Variants in MMP11 observed in about 807,000 individuals in gnomAD.
The protein encoded by MMP11 is stromelysin-3.
Under a neutral mutation model 49.5 loss-of-function variants are expected in MMP11, and 26 were observed. That is an observed-to-expected ratio of 0.52 (90% CI 0.38 to 0.73). MMP11 has a LOEUF of 0.73. MMP11 is among the 30% of genes least tolerant of loss of function. The pLI is 0.00. For missense variants in MMP11, 624 were observed against 671.2 expected (o/e 0.93, Z 0.78); for synonymous variants, 265 against 282.3 (o/e 0.94, Z 0.62).
rs763402119 is a variant in MMP11, at chr22:23,781,065, G to C, written c.823G>C (p.Ala275Pro). The change falls in exon 5 of 8, where the codon GCT (alanine) becomes CCT (proline). Residue 275 changes from alanine to proline, a missense_variant. Physicochemically the swap from Ala to Pro is conservative, Grantham distance 27. Transcript: ENST00000215743. ...CAGGACCCCAGCCCTGGGCCCCCAGGCTGGGATAGACACCAATGAGATTGC... is the reference window on the plus strand; with the variant it reads ...CAGGACCCCAGCCCTGGGCCCCCAGCCTGGGATAGACACCAATGAGATTGC... The part of the protein sequence containing the change: ...TSRTPALGPQ[A>P]GIDTNEIAPL... The C allele has an allele frequency of 3.1e-6, 5 of 1,609,798 alleles. No homozygotes were observed. Among genetic ancestry groups the C allele is most frequent in the Non-Finnish European group, 4.2e-6 (5 of 1,179,948 alleles).
Position 23,781,221 on chromosome 22 carries a change from C to G in MMP11, c.887C>G (p.Ala296Gly). The stretch of plus-strand genomic sequence containing the variant: ...GACGCCCCGCCAGATGCCTGTGAGG[C>G]CTCCTTTGACGCGGTCTCCACCATC... ...EPDAPPDACE[A>G]SFDAVSTIRG... The change falls in exon 6 of 8, where the codon GCC (alanine) becomes GGC (glycine). Residue 296 changes from alanine to glycine, a missense_variant. Physicochemically the swap from Ala to Gly is moderately conservative, Grantham distance 60. Coordinates refer to ENST00000215743, the MANE Select transcript of MMP11 (RefSeq NM_005940.5). 1 of 1,611,666 alleles carries G rather than the reference C, an allele frequency of 6.2e-7. No homozygotes were observed. The highest frequency in any genetic ancestry group is 1.3e-5 in the African/African-American group (1 of 75,068).
Position 23,781,365 on chromosome 22 carries a change from A to T in MMP11, c.1031A>T (p.Asp344Val), listed in dbSNP as rs1283564495. Residue 344 changes from aspartate (D) to valine (V), a missense_variant, in exon 6 of 8, where the codon GAC (aspartate) becomes GTC (valine). Asp to Val is a radical substitution (Grantham distance 152). Transcript: ENST00000215743. ...TGGCAGGGACTGCCCAGCCCTGTGG[A>T]CGCTGCCTTCGAGGATGCCCAGGGC... The part of the protein sequence containing the change: ...RHWQGLPSPV[D>V]AAFEDAQGHI... 6.2e-7 allele frequency: 1 copy of T among 1,613,048 alleles called. No individual in the cohort carries two copies. The highest frequency in any genetic ancestry group is 8.5e-7 in the Non-Finnish European group (1 of 1,179,642).
In MMP11 at chr22:23,780,809, A is replaced by G; in HGVS notation, c.617-50A>G. 6.3e-7 allele frequency: 1 copy of G among 1,584,330 alleles called. No individual in the cohort carries two copies. The highest frequency in any genetic ancestry group is 8.6e-7 in the Non-Finnish European group (1 of 1,164,718). ...TCACTGAGCTGGGGTCTGGAGCTGG[A>G]TGTCCTGGGCAGGAGGTTCGGGGGT... is the stretch of plus-strand genomic sequence containing the variant. On this transcript the variant is annotated intron_variant, in intron 4 of 7. Coordinates refer to ENST00000215743, the MANE Select transcript of MMP11 (RefSeq NM_005940.5). This position sits in a 1 kb window ranked among gnomAD's most constrained non-coding sequence, Gnocchi z 4.6.
intron 1 of MMP11, among the ~76,000 whole-genome samples, chr22:23,773,236 G>A (rs1927297715): frequency 6.6e-6 from 1 of 152,196 alleles, no homozygotes; most frequent in Non-Finnish European, 1.5e-5. Context: ...CTCCCAGCGT[G>A]GGGACCTGCC....
rs28363636 is a variant in MMP11 at position 23,778,169 on chromosome 22, G to T, written c.109-1018G>T. On this transcript the variant is annotated intron_variant, in intron 1 of 7. Coordinates refer to ENST00000215743, the MANE Select transcript of MMP11 (RefSeq NM_005940.5). The stretch of plus-strand genomic sequence containing the variant: ...TGCAGGAAGGACACTTGGCTTCTGT[G>T]CGGTGTCCAGAGCCAGGCCTTAGCC... Among the ~76,000 whole-genome samples, 1,006 of 152,346 alleles carry T rather than the reference G, an allele frequency of 6.6e-3. 6 individuals carry two copies. The highest frequency in any genetic ancestry group is 7.6e-3 in the Non-Finnish European group (518 of 68,034).
In MMP11 at chr22:23,781,295, G is replaced by T; in HGVS notation, c.961G>T (p.Gly321Trp). 1 of 1,612,636 alleles carries T rather than the reference G, an allele frequency of 6.2e-7. No homozygotes were observed. The highest frequency in any genetic ancestry group is 8.5e-7 in the Non-Finnish European group (1 of 1,180,002). Residue 321 changes from glycine (G) to tryptophan (W), a missense_variant, in exon 6 of 8, where the codon GGG becomes TGG. Physicochemically the swap from Gly to Trp is radical, Grantham distance 184 (BLOSUM62 -2). Transcript: ENST00000215743. ...AGCGGGCTTTGTGTGGCGCCTCCGTGGGGGCCAGCTGCAGCCCGGCTACCC... is the reference window on the plus strand; with the variant it reads ...AGCGGGCTTTGTGTGGCGCCTCCGTTGGGGCCAGCTGCAGCCCGGCTACCC... ...FKAGFVWRLR[G>W]GQLQPGYPAL...
rs1412333856 is a variant in MMP11 at position 23,772,903 on chromosome 22, C to T, written c.33C>T (p.Ala11=). 5 of 1,172,596 alleles carry T rather than the reference C, an allele frequency of 4.3e-6. No individual in the cohort carries two copies. In the East Asian group the frequency reaches 2.0e-4, roughly 46 times the overall value. 72.6% of individuals were successfully genotyped at this position (1,172,596 alleles called of 1,614,324 possible). A position where few individuals can be genotyped will look rare whatever the true frequency, so the allele number is the denominator to read the frequency against. Residue 11 remains alanine (A), a synonymous_variant, in exon 1 of 8, where the codon GCC becomes GCT. Transcript: ENST00000215743. MAPAAWLRSA[A]ARALLPPMLL... ...CGGCCGCCTGGCTCCGCAGCGCGGCCGCGCGCGCCCTCCTGCCCCCGATGC... is the reference window on the plus strand; with the variant it reads ...CGGCCGCCTGGCTCCGCAGCGCGGCTGCGCGCGCCCTCCTGCCCCCGATGC...
chr22:23,776,808 A>G (rs1371878947), intron 1 of MMP11, among the ~76,000 whole-genome samples: 4 of 138,300 alleles, frequency 2.9e-5, no homozygotes, highest in Non-Finnish European at 6.3e-5. Context: ...AGTGCTAAGT[A>G]CTTTTTTTTT....
chr22:23,778,838 G>A (rs866996659), intron 1 of MMP11, among the ~76,000 whole-genome samples: 7 of 152,284 alleles, frequency 4.6e-5, no homozygotes, highest in African/African-American at 1.4e-4. Flanking sequence ...GTGTTCCTTC[G>A]GAGGAAGCTT....
Position 23,783,448 on chromosome 22 carries a change from G to A in MMP11, c.1371G>A (p.Lys457=), listed in dbSNP as rs753072307. 3 of 1,614,114 alleles carry A rather than the reference G, an allele frequency of 1.9e-6. No homozygotes were observed. Among genetic ancestry groups the A allele is most frequent in the African/African-American group, 2.7e-5 (2 of 74,942 alleles). Residue 457 remains lysine, a synonymous_variant, in exon 8 of 8, where the codon AAG becomes AAA. Coordinates refer to ENST00000215743, the MANE Select transcript of MMP11 (RefSeq NM_005940.5). ...AYFLRGRLYW[K]FDPVKVKALE... ...TCCTGCGCGGCCGCCTCTACTGGAA[G>A]TTTGACCCTGTGAAGGTGAAGGCTC... is the stretch of plus-strand genomic sequence containing the variant.
chr22:23,779,189 C>A lies in MMP11; in HGVS notation c.111C>A (p.Asp37Glu). 1.9e-6 allele frequency: 3 copies of A among 1,588,866 alleles called. No homozygotes were observed. The highest frequency in any genetic ancestry group is 8.6e-7 in the Non-Finnish European group (1 of 1,169,404). Reference protein sequence around the residue: ...PPLLARALPPDAHHLHAERRG... With the variant: ...PPLLARALPPEAHHLHAERRG... ...CCTCATGTCATCCTCCTGCCTAGGA[C>A]GCCCACCACCTCCATGCCGAGAGGA... The change falls in exon 2 of 8, where the codon GAC (aspartate) becomes GAA (glutamate). Residue 37 changes from aspartate to glutamate, a missense_variant and splice_region_variant. Asp to Glu is a conservative substitution (Grantham distance 45, BLOSUM62 2). Coordinates refer to ENST00000215743, the MANE Select transcript of MMP11 (RefSeq NM_005940.5).
Position 23,773,064 on chromosome 22 carries a change from G to C in MMP11, c.108+86G>C, listed in dbSNP as rs28363613. The C allele has an allele frequency of 8.3e-5, 90 of 1,086,844 alleles. No homozygotes were observed. The African/African-American group carries it at 1.5e-3, about 18-fold the overall frequency. The allele number at this position is 1,086,844 out of a possible 1,614,324, so 67.3% of individuals were successfully genotyped here. ...GCCCAGCGGCGGATCCGGACCGAAG[G>C]GGGCGCCCCGGGTGGCCTCCAGCGC... On this transcript the variant is annotated intron_variant, in intron 1 of 7. Transcript: ENST00000215743.
intron 1 of MMP11, 151 bp from the exon 2 acceptor site, chr22:23,779,036 C>T: frequency 3.1e-6 from 2 of 637,240 alleles, no homozygotes; most frequent in South Asian, 2.0e-5. Context: ...GCCAAAGGGC[C>T]CTGCCATGTG....
chr22:23,775,869 G>T (rs1927394100), intron 1 of MMP11, among the ~76,000 whole-genome samples: 1 of 152,246 alleles, frequency 6.6e-6, no homozygotes, highest in Admixed American at 6.5e-5. Context: ...AACAGGGCCA[G>T]GTAAGAGGTG....
At chr22:23,774,698 A>T (rs1927349698) in intron 1 of MMP11, among the ~76,000 whole-genome samples, 1 of 152,104 alleles carries the variant, frequency 6.6e-6, no homozygotes, top group African/African-American at 2.4e-5. Context: ...CCATAGCCTA[A>T]CAAGTGCCCT....
At chr22:23,777,157 T>G (rs565227611) in intron 1 of MMP11, among the ~76,000 whole-genome samples, 360 of 125,290 alleles carry the variant, frequency 2.9e-3, no homozygotes, top group African/African-American at 0.011. Context: ...GCGCGGTGGC[T>G]CACGCCTGTA....
Position 23,781,082 on chromosome 22 carries a change from T to C in MMP11, c.840T>C (p.Asn280=). 1.3e-6 allele frequency: 2 copies of C among 1,590,182 alleles called. No individual in the cohort carries two copies. Among genetic ancestry groups the C allele is most frequent in the South Asian group, 2.2e-5 (2 of 90,642 alleles). The stretch of plus-strand genomic sequence containing the variant: ...GCCCCCAGGCTGGGATAGACACCAA[T>C]GAGATTGCACCGCTGGAGGTGAGGC... ...ALGPQAGIDT[N]EIAPLEPDAP... Residue 280 remains asparagine (N), a synonymous_variant, in exon 5 of 8, where the codon AAT becomes AAC. Coordinates refer to ENST00000215743, the MANE Select transcript of MMP11 (RefSeq NM_005940.5).
chr22:23,774,821 G>T (rs556839964), intron 1 of MMP11, among the ~76,000 whole-genome samples: 5 of 152,198 alleles, frequency 3.3e-5, no homozygotes, highest in Admixed American at 2.6e-4. Flanking sequence ...CCAGCCTTTC[G>T]CAGTGTTTCC....
rs149825656 is a variant in MMP11, at chr22:23,779,401, C to T, written c.323C>T (p.Thr108Met). The T allele has an allele frequency of 1.2e-5, 20 of 1,611,532 alleles. No individual in the cohort carries two copies. The highest frequency in any genetic ancestry group is 8.4e-5 in the Admixed American group (5 of 59,802). Residue 108 changes from threonine to methionine, a missense_variant, in exon 2 of 8, where the codon ACG (threonine) becomes ATG (methionine). Coordinates refer to ENST00000215743, the MANE Select transcript of MMP11 (RefSeq NM_005940.5). ...FVLSGGRWEK[T>M]DLTYRILRFP... ...CTTTCTGGCGGGCGCTGGGAGAAGA[C>T]GGACCTCACCTACAGGTAGGGGCCT...
Sources: allele counts gnomAD v4.1 joint callset (sites outside exome capture counted in the v4.1 genomes callset), GRCh38; gene constraint gnomAD v4.1.1; non-coding constraint Gnocchi (gnomAD v3.1); transcripts MANE v1.5; gene names NCBI Gene and HGNC (gene_info 2026-07-23, HGNC 2026-07-21).